The following PDE4B variants were observed in gnomAD, a reference collection of about 807,000 sequenced individuals.
The protein encoded by PDE4B is phosphodiesterase 4B.
In PDE4B, 20 loss-of-function variants were observed where a neutral mutation model predicts 82.2. The ratio of observed to expected loss-of-function variants is 0.24; its 90% CI spans 0.17 to 0.35. The LOEUF (loss-of-function observed/expected upper bound fraction) is 0.35, where lower values mean the gene tolerates loss of function less well. Among genes scored for constraint, PDE4B ranks in the 10% least tolerant of loss-of-function variants. The pLI is 1.00. For synonymous variants in PDE4B, 320 were observed against 318.9 expected (o/e 1.00, Z -0.04); for missense variants, 655 against 907.2 (o/e 0.72, Z 3.57).
intron 3 of PDE4B, among the ~76,000 whole-genome samples, chr1:65,999,192 C>G (rs958671984): frequency 6.6e-6 from 1 of 152,172 alleles, no homozygotes; most frequent in Non-Finnish European, 1.5e-5. Context: ...CGTTCTCTTT[C>G]CATTCCTTTC....
chr1:65,918,007 T>C (rs935605289), intron 2 of PDE4B, among the ~76,000 whole-genome samples: 2 of 152,020 alleles, frequency 1.3e-5, no homozygotes, highest in African/African-American at 2.4e-5. Context: ...CTACTAAAAA[T>C]ACAAAAATTA....
intron 3 of PDE4B, among the ~76,000 whole-genome samples, chr1:65,931,748 CT>C (rs1360953626): frequency 2.0e-5 from 3 of 152,162 alleles, no homozygotes; most frequent in African/African-American, 7.2e-5. Flanking sequence ...GTCTGAATCC[CT>C]ACCCACAGCT....
At chr1:65,930,766 G>A (rs1178117341) in intron 3 of PDE4B, among the ~76,000 whole-genome samples, 2 of 152,232 alleles carry the variant, frequency 1.3e-5, no homozygotes, top group East Asian at 1.9e-4. Context: ...AGGCTCATAG[G>A]CAGAAGGGAC....
intron 3 of PDE4B, among the ~76,000 whole-genome samples, chr1:65,931,307 G>C (rs1647819481): frequency 6.6e-6 from 1 of 151,976 alleles, no homozygotes; most frequent in Non-Finnish European, 1.5e-5. Context: ...CCCAGTCTTG[G>C]GTATTCCTTT....
At chr1:66,176,138 A>T (rs1295747552) in intron 3 of PDE4B, among the ~76,000 whole-genome samples, 1 of 152,230 alleles carries the variant, frequency 6.6e-6, no homozygotes. Context: ...CCTCCCTGTC[A>T]GAAATGCAGC....
intron 3 of PDE4B, among the ~76,000 whole-genome samples, chr1:66,160,081 C>CTCACACAGGATTT (rs1553152791): frequency 6.6e-6 from 1 of 152,172 alleles, no homozygotes; most frequent in African/African-American, 2.4e-5. Flanking sequence ...AAATAGAGTC[C>CTCACACAGGATTT]TCACACAGGA....
intron 7 of PDE4B, among the ~76,000 whole-genome samples, chr1:66,278,707 C>A (rs1383622768): frequency 6.6e-6 from 1 of 152,172 alleles, no homozygotes; most frequent in Non-Finnish European, 1.5e-5. Flanking sequence ...TATTTGTAAG[C>A]TCGGAAGTCT....
intron 3 of PDE4B, among the ~76,000 whole-genome samples, chr1:66,026,095 A>G (rs1217360444): frequency 6.6e-6 from 1 of 152,200 alleles, no homozygotes; most frequent in Non-Finnish European, 1.5e-5. Context: ...TTTGGGCAAT[A>G]TTGCTTTATA....
intron 3 of PDE4B, among the ~76,000 whole-genome samples, chr1:65,970,550 G>A (rs1650076016): frequency 6.6e-6 from 1 of 152,076 alleles, no homozygotes. Flanking sequence ...ATTAAGACAT[G>A]AGCCATATTC....
rs148765561 is a variant in PDE4B, at chr1:66,079,166, T to TTCTCTCTCTCTC, written c.281+160355_281+160366dup. On this transcript the variant is annotated intron_variant, in intron 3 of 16. Coordinates refer to ENST00000341517, the MANE Select transcript of PDE4B (RefSeq NM_002600.4). ...CGGTTTCTGTCTCTCCCTGCTTCTTTTCTCTCTCTCTCTCTCTCTCTCTCT... is the reference window on the plus strand; with the variant it reads ...CGGTTTCTGTCTCTCCCTGCTTCTTTTCTCTCTCTCTCTCTCTCTCTCTCTCTCTCTCTCTCT... Among the ~76,000 whole-genome samples the TTCTCTCTCTCTC allele has an allele frequency of 5.0e-3, 712 of 142,262 alleles. 7 individuals are homozygous for TTCTCTCTCTCTC. Among genetic ancestry groups the TTCTCTCTCTCTC allele is most frequent in the African/African-American group, 0.017 (631 of 37,224 alleles). 93.3% of individuals were successfully genotyped at this position (142,262 alleles called of 152,430 possible).
chr1:65,842,158 T>A (rs1040100341), intron 1 of PDE4B, among the ~76,000 whole-genome samples: 1 of 152,182 alleles, frequency 6.6e-6, no homozygotes, highest in South Asian at 2.1e-4. Context: ...ATTTTCAAGA[T>A]GTTGTGCTAA....
At chr1:66,136,391 T>A (rs1200289981) in intron 3 of PDE4B, among the ~76,000 whole-genome samples, 1 of 152,050 alleles carries the variant, frequency 6.6e-6, no homozygotes, top group African/African-American at 2.4e-5. Flanking sequence ...CTTCCCACCT[T>A]CACCCTCGCA....
chr1:66,067,921 A>C (rs1018771634), intron 3 of PDE4B, among the ~76,000 whole-genome samples: 11 of 136,392 alleles, frequency 8.1e-5, no homozygotes, highest in African/African-American at 2.4e-4. Context: ...AGGAAGGAGA[A>C]CATCACACAC....
At chr1:65,900,324 G>C (rs1646957887) in intron 1 of PDE4B, among the ~76,000 whole-genome samples, 1 of 151,962 alleles carries the variant, frequency 6.6e-6, no homozygotes, top group Non-Finnish European at 1.5e-5. Context: ...ATATGTGTCT[G>C]TTTTTGTTTG....
intron 3 of PDE4B, among the ~76,000 whole-genome samples, chr1:66,054,108 C>T (rs1447741901): frequency 6.6e-6 from 1 of 152,088 alleles, no homozygotes; most frequent in African/African-American, 2.4e-5. Flanking sequence ...GGTTTGAACC[C>T]TCATTGAGTG....
At chr1:65,992,617 G>A (rs1167873906) in intron 3 of PDE4B, 1 of 492,204 alleles carries the variant, frequency 2.0e-6, no homozygotes, top group Non-Finnish European at 2.9e-6. Flanking sequence ...GTGAGTGTCA[G>A]TGTGTAGCTT....
rs1645591088 is a variant in PDE4B, at chr1:65,793,115, C to G, written c.-204C>G. The stretch of plus-strand genomic sequence containing the variant: ...GACTTTCGTCCCCCACCCCCGGGAG[C>G]GCGGAAGGCTCACTCGCAGCGCATG... On this transcript the variant is annotated 5_prime_UTR_variant, in exon 1 of 17. Transcript: ENST00000341517. 6.6e-6 allele frequency: 1 copy of G among 152,096 alleles called. No individual in the cohort carries two copies. Among genetic ancestry groups the G allele is most frequent in the Non-Finnish European group, 1.5e-5 (1 of 68,072 alleles). 9.4% of individuals were successfully genotyped at this position (152,096 alleles called of 1,614,324 possible).
intron 7 of PDE4B, among the ~76,000 whole-genome samples, chr1:66,282,523 T>A (rs1656373728): frequency 6.6e-6 from 1 of 152,206 alleles, no homozygotes. Context: ...GAGGCAGCCA[T>A]CCAACTCTAG....
At chr1:66,244,546 C>G (rs1314783721) in intron 3 of PDE4B, among the ~76,000 whole-genome samples, 1 of 152,184 alleles carries the variant, frequency 6.6e-6, no homozygotes, top group Non-Finnish European at 1.5e-5. Flanking sequence ...TTTGCCCACA[C>G]CCCTCCTCAC....
Sources: gnomAD v4.1 joint callset for allele counts (sites outside exome capture counted in the v4.1 genomes callset) on GRCh38, gnomAD v4.1.1 for gene constraint, MANE v1.5 for transcripts, NCBI Gene and HGNC (gene_info 2026-07-23, HGNC 2026-07-21) for gene names.